GAA: variants seen among roughly 807,000 people sequenced by gnomAD.
GAA encodes the protein lysosomal alpha-glucosidase.
Under a neutral mutation model 103.9 loss-of-function variants are expected in GAA, and 88 were observed. The observed-to-expected ratio is 0.85, with a 90% CI of 0.71 to 1.01. GAA has a LOEUF of 1.01. Among genes scored for constraint, GAA ranks in the 50% least tolerant of loss-of-function variants. The pLI, the probability that GAA is intolerant of heterozygous loss-of-function variation, is 0.00. For synonymous variants in GAA, 572 were observed against 563.1 expected, an observed-to-expected ratio of 1.02 and a Z score of -0.22; for missense variants, 1,350 against 1,305.3, an observed-to-expected ratio of 1.03 and a Z score of -0.53.
At position 80,105,781 on chromosome 17, in the gene GAA, G is replaced by C. The variant is rs764299738; in HGVS notation, c.579G>C (p.Val193=). ...ATCCAGCTAACAGGCGCTACGAGGT[G>C]CCCTTGGAGACCCCGCATGTCCACA... The part of the protein sequence containing the change: ...IKDPANRRYE[V]PLETPHVHSR... Residue 193 remains valine (V), a synonymous_variant, in exon 3 of 20, where the codon GTG becomes GTC. Coordinates refer to ENST00000302262, the MANE Select transcript of GAA (RefSeq NM_000152.5). 6.2e-7 allele frequency: 1 copy of C among 1,612,152 alleles called. No individual in the cohort carries two copies. Among genetic ancestry groups the C allele is most frequent in the Admixed American group, 1.7e-5 (1 of 59,998 alleles).
At chr17:80,119,229 G>A in intron 19 of GAA, 43 bp from the exon 20 acceptor site, 1 of 1,597,160 alleles carries the variant, frequency 6.3e-7, no homozygotes, top group Non-Finnish European at 8.6e-7. Context: ...TCTCACTGCT[G>A]CTGGGATCTC....
chr17:80,118,521 C>T lies in GAA; in HGVS notation c.2647-132C>T, dbSNP rs1294987547. 22 of 1,384,010 alleles carry T rather than the reference C, an allele frequency of 1.6e-5. No homozygotes were observed. In the South Asian group the frequency reaches 2.4e-4, roughly 15 times the overall value. 85.7% of individuals were successfully genotyped at this position (1,384,010 alleles called of 1,614,324 possible). ...GAGCAGTGGGGCCGTGCACTCTGCC[C>T]TTTCGTGTACACAGAGGGAGGTCAC... On this transcript the variant is annotated intron_variant, in intron 18 of 19. Coordinates refer to ENST00000302262, the MANE Select transcript of GAA (RefSeq NM_000152.5).
At chr17:80,117,532 GT>G in intron 16 of GAA, 67 bp from the exon 17 acceptor site, 1 of 1,575,554 alleles carries the variant, frequency 6.3e-7, no homozygotes, top group East Asian at 2.2e-5. Flanking sequence ...GATGGAGAGC[GT>G]GGTTCCTGAG....
intron 16 of GAA, among the ~76,000 whole-genome samples, 168 bp from the exon 17 acceptor site, chr17:80,117,432 C>T (rs1315058541): frequency 6.6e-6 from 1 of 152,162 alleles, no homozygotes; most frequent in African/African-American, 2.4e-5. Context: ...AGGAGGGTCC[C>T]TACCTACAGT....
Position 80,108,296 on chromosome 17 carries a change from T to C in GAA, c.962T>C (p.Val321Ala), listed in dbSNP as rs1598576545. Reference sequence around the variant, plus strand: ...AGAGCTGCTTCCCTTCCAGATGTGGTCCTGCAGCCGAGCCCTGCCCTTAGC... The same window carrying C: ...AGAGCTGCTTCCCTTCCAGATGTGGCCCTGCAGCCGAGCCCTGCCCTTAGC... ...FLLNSNAMDV[V>A]LQPSPALSWR... The change falls in exon 6 of 20, where the codon GTC becomes GCC. Residue 321 changes from valine (V) to alanine (A), a missense_variant. By Grantham distance (64) the Val-to-Ala change is moderately conservative. Transcript: ENST00000302262. 1.9e-6 allele frequency: 3 copies of C among 1,613,542 alleles called. No homozygotes were observed. The highest frequency in any genetic ancestry group is 2.5e-6 in the Non-Finnish European group (3 of 1,180,010).
At chr17:80,105,243 C>A in intron 2 of GAA, 111 bp downstream of exon 2, 1 of 1,140,250 alleles carries the variant, frequency 8.8e-7, no homozygotes, top group South Asian at 1.5e-5. Context: ...TGTGCTGGGC[C>A]CTTGCTGGGA....
In GAA at chr17:80,119,562, T is replaced by A; in HGVS notation, c.*231T>A. On this transcript the variant is annotated 3_prime_UTR_variant, in exon 20 of 20. Coordinates refer to ENST00000302262, the MANE Select transcript of GAA (RefSeq NM_000152.5). Reference sequence around the variant, plus strand: ...TAGATCGCACTGTGGGCCGGGGCCCTGGAGGGCTGCTCTGTGTTAATAAGA... The same window carrying A: ...TAGATCGCACTGTGGGCCGGGGCCCAGGAGGGCTGCTCTGTGTTAATAAGA... 1 of 552,748 alleles carries A rather than the reference T, an allele frequency of 1.8e-6. No individual in the cohort carries two copies. Among genetic ancestry groups the A allele is most frequent in the South Asian group, 1.9e-5 (1 of 51,640 alleles). 34.2% of individuals were successfully genotyped at this position (552,748 alleles called of 1,614,324 possible).
chr17:80,108,234 C>A, intron 5 of GAA, 56 bp from the exon 6 acceptor site: 1 of 1,612,848 alleles, frequency 6.2e-7, no homozygotes, highest in Non-Finnish European at 8.5e-7. Flanking sequence ...CTGTGGGGTG[C>A]AGAGCCCTCC....
At chr17:80,118,858 G>T in intron 19 of GAA, 53 bp downstream of exon 19, 1 of 1,602,610 alleles carries the variant, frequency 6.2e-7, no homozygotes, top group Non-Finnish European at 8.5e-7. Context: ...GTGGTGCAGG[G>T]GGCAGAAGGT....
chr17:80,118,327 C>T lies in GAA; in HGVS notation c.2616C>T (p.Ala872=), dbSNP rs776563457. 5.7e-6 allele frequency: 9 copies of T among 1,576,254 alleles called. No individual in the cohort carries two copies. Among genetic ancestry groups the T allele is most frequent in the Non-Finnish European group, 7.8e-6 (9 of 1,159,208 alleles). Residue 872 remains alanine (A), a synonymous_variant, in exon 18 of 20, where the codon GCC becomes GCT. Transcript: ENST00000302262. The part of the protein sequence containing the change: ...GESLEVLERG[A]YTQVIFLARN... ...GCCTGGAAGTGCTGGAGCGAGGGGC[C>T]TACACACAGGTCATCTTCCTGGCCA...
intron 15 of GAA, chr17:80,116,727 C>T (rs1045026363): frequency 3.5e-6 from 2 of 571,286 alleles, no homozygotes; most frequent in Admixed American, 2.8e-5. Flanking sequence ...GCACAAGCCC[C>T]TATTCCTGCC....
chr17:80,112,031 A>C lies in GAA; in HGVS notation c.1685A>C (p.His562Pro). ...LQAATICASSHQFLSTHYNLH... is the reference protein window; with the variant it reads ...LQAATICASSPQFLSTHYNLH... ...GCGGCCACCATCTGTGCCTCCAGCC[A>C]CCAGTTTCTCTCCACACACTACAAC... The change falls in exon 12 of 20, where the codon CAC becomes CCC. Residue 562 changes from histidine to proline, a missense_variant. Transcript: ENST00000302262. 6.2e-7 allele frequency: 1 copy of C among 1,613,982 alleles called. No homozygotes were observed. Among genetic ancestry groups the C allele is most frequent in the Non-Finnish European group, 8.5e-7 (1 of 1,179,918 alleles).
chr17:80,119,388 CCTGTGTGCGGGCAGCAG>C lies in GAA; in HGVS notation c.*70_*86del, dbSNP rs1203527383. 46 of 1,461,332 alleles carry C rather than the reference CCTGTGTGCGGGCAGCAG, an allele frequency of 3.1e-5. No homozygotes were observed. Among genetic ancestry groups the C allele is most frequent in the Non-Finnish European group, 3.7e-5 (39 of 1,041,520 alleles). The allele number at this position is 1,461,332 out of a possible 1,614,324, so 90.5% of individuals were successfully genotyped here. A position where few individuals can be genotyped will look rare whatever the true frequency, so the allele number is the denominator to read the frequency against. On this transcript the variant is annotated 3_prime_UTR_variant, in exon 20 of 20. Coordinates refer to ENST00000302262, the MANE Select transcript of GAA (RefSeq NM_000152.5). ...AGGCTGGTTCCCCAGGGAAGCAGAG[CCTGTGTGCGGGCAGCAG>C]CTGTGTGCGGGCCTGGGGGTTGCAT...
At chr17:80,117,960 C>T (rs34192278) in intron 17 of GAA, among the ~76,000 whole-genome samples, 1 of 152,190 alleles carries the variant, frequency 6.6e-6, no homozygotes, top group South Asian at 2.1e-4. Context: ...GCTCAGTGGT[C>T]TGCATGGTGG....
At chr17:80,112,801 T>C (rs780287517) in intron 13 of GAA, 75 bp from the exon 14 acceptor site, 9 of 1,577,368 alleles carry the variant, frequency 5.7e-6, no homozygotes, top group Non-Finnish European at 7.8e-6. Context: ...ACTTAGCAGG[T>C]GGGGCTCTGG....
In GAA at chr17:80,119,721, G is replaced by A. The variant is rs1210294427; in HGVS notation, c.*390G>A. 6.5e-6 allele frequency: 2 copies of A among 305,684 alleles called. No homozygotes were observed. The highest frequency in any genetic ancestry group is 4.3e-5 in the Admixed American group (1 of 23,250). The allele number at this position is 305,684 out of a possible 1,614,324, so 18.9% of individuals were successfully genotyped here. A position where few individuals can be genotyped will look rare whatever the true frequency, so the allele number is the denominator to read the frequency against. On this transcript the variant is annotated 3_prime_UTR_variant, in exon 20 of 20. Coordinates refer to ENST00000302262, the MANE Select transcript of GAA (RefSeq NM_000152.5). ...GTATGCACCTGAGCTCCTGCTTCGC[G>A]CCTGCTGCTCTGCCCCAACGCGACC...
chr17:80,116,934 C>T (rs749198613), intron 15 of GAA, 34 bp from the exon 16 acceptor site: 3 of 1,613,034 alleles, frequency 1.9e-6, no homozygotes, highest in Non-Finnish European at 2.5e-6. Context: ...TCCCATTCAT[C>T]ACCCGTATGC....
rs2143828990 is a variant in GAA at position 80,105,040 on chromosome 17, C to G, written c.454C>G (p.Leu152Val). 1 of 1,612,978 alleles carries G rather than the reference C, an allele frequency of 6.2e-7. No homozygotes were observed. The highest frequency in any genetic ancestry group is 8.5e-7 in the Non-Finnish European group (1 of 1,180,032). Reference protein sequence around the residue: ...SSSEMGYTATLTRTTPTFFPK... With the variant: ...SSSEMGYTATVTRTTPTFFPK... ...CTCTGAAATGGGCTACACGGCCACC[C>G]TGACCCGTACCACCCCCACCTTCTT... Residue 152 changes from leucine (L) to valine (V), a missense_variant, in exon 2 of 20, where the codon CTG becomes GTG. By Grantham distance (32) the Leu-to-Val change is conservative (BLOSUM62 1). Coordinates refer to ENST00000302262, the MANE Select transcript of GAA (RefSeq NM_000152.5).
chr17:80,106,883 C>T (rs1168986305), intron 3 of GAA, among the ~76,000 whole-genome samples: 1 of 152,238 alleles, frequency 6.6e-6, no homozygotes, highest in Non-Finnish European at 1.5e-5. Context: ...GATTTTGCCA[C>T]TGCACTTCAG....
Sources: allele counts gnomAD v4.1 joint callset (sites outside exome capture counted in the v4.1 genomes callset), GRCh38; gene constraint gnomAD v4.1.1; transcripts MANE v1.5; gene names NCBI Gene and HGNC (gene_info 2026-07-23, HGNC 2026-07-21).